Variants in IFT80 observed in about 807,000 individuals in gnomAD.
IFT80 encodes the protein intraflagellar transport 80.
IFT80 carries 79 observed loss-of-function variants against 107.9 expected under a neutral mutation model. The ratio of observed to expected loss-of-function variants is 0.73; its 90% CI spans 0.61 to 0.88. The LOEUF (loss-of-function observed/expected upper bound fraction) is 0.88, where lower values mean the gene tolerates loss of function less well. Ranked by LOEUF, IFT80 falls within the 40% of genes least tolerant of loss-of-function variation. IFT80 has a pLI of 0.00. For synonymous variants in IFT80, 299 were observed against 300.9 expected, an observed-to-expected ratio of 0.99 and a Z score of 0.07; for missense variants, 797 against 914.2, an observed-to-expected ratio of 0.87 and a Z score of 1.65.
At chr3:160,285,587 T>A (rs1443468202) in intron 13 of IFT80, among the ~76,000 whole-genome samples, 3 of 152,226 alleles carry the variant, frequency 2.0e-5, no homozygotes, top group Non-Finnish European at 4.4e-5. Flanking sequence ...GATCCTTTTT[T>A]TCAACTAATT....
rs116510044 is a variant in IFT80 at position 160,278,204 on chromosome 3, G to A, written c.1837-534C>T. Reference sequence around the variant, plus strand: ...GCAGATATAAACAAGCAAGCTGGAAGCTTGCATGAGTGAATGCCAGTAGTT... The same window carrying A: ...GCAGATATAAACAAGCAAGCTGGAAACTTGCATGAGTGAATGCCAGTAGTT... On this transcript the variant is annotated intron_variant, in intron 16 of 19. Coordinates refer to ENST00000326448, the MANE Select transcript of IFT80 (RefSeq NM_020800.3). 9.7e-3 allele frequency among the ~76,000 whole-genome samples: 1,474 copies of A among 152,328 alleles called. 26 individuals carry two copies. Among genetic ancestry groups the A allele is most frequent in the Admixed American group, 0.012 (183 of 15,298 alleles).
intron 8 of IFT80, among the ~76,000 whole-genome samples, chr3:160,338,579 C>CCATCACTG (rs1719658821): frequency 2.6e-5 from 4 of 151,864 alleles, no homozygotes; most frequent in Admixed American, 2.0e-4. Flanking sequence ...CTACAGTGAG[C>CCATCACTG]CATCACTGCA....
intron 12 of IFT80, among the ~76,000 whole-genome samples, chr3:160,297,032 CTATTTAAATAATG>C (rs1716033714): frequency 6.6e-6 from 1 of 152,132 alleles, no homozygotes; most frequent in African/African-American, 2.4e-5. Context: ...GCATCAATCA[CTATTTAAATAATG>C]ATAATTCATA....
At chr3:160,287,469 G>A (rs533167285) in intron 12 of IFT80, among the ~76,000 whole-genome samples, 1 of 152,264 alleles carries the variant, frequency 6.6e-6, no homozygotes, top group South Asian at 2.1e-4. Context: ...ACCCAGTGGA[G>A]GTGAAAATGG....
Position 160,300,967 on chromosome 3 carries a change from C to T in IFT80, c.1231G>A (p.Gly411Arg), listed in dbSNP as rs1418847289. The change falls in exon 12 of 20, where the codon GGA becomes AGA. Residue 411 changes from glycine to arginine, a missense_variant. Gly to Arg is a moderately radical substitution (Grantham distance 125, BLOSUM62 -2). Transcript: ENST00000326448. The part of the protein sequence containing the change: ...GRFISSPKFP[G>R]MRTDILNAQT... ...GCATTCAGAATATCTGTTCTCATTC[C>T]AGGAAATTTTGGAGATGAAATAAAG... 1 of 1,610,462 alleles carries T rather than the reference C, an allele frequency of 6.2e-7. No homozygotes were observed. The highest frequency in any genetic ancestry group is 8.5e-7 in the Non-Finnish European group (1 of 1,178,026).
At chr3:160,295,439 TA>T (rs1715898307) in intron 12 of IFT80, among the ~76,000 whole-genome samples, 1 of 151,214 alleles carries the variant, frequency 6.6e-6, no homozygotes, top group African/African-American at 2.5e-5. Context: ...CCATTGTCTC[TA>T]TTAAAAATAC....
intron 5 of IFT80, among the ~76,000 whole-genome samples, chr3:160,370,678 C>T (rs1722172264): frequency 6.6e-6 from 1 of 152,172 alleles, no homozygotes; most frequent in African/African-American, 2.4e-5. Flanking sequence ...GCCTTTACCT[C>T]TGAGCTCCAA....
chr3:160,395,205 T>G (rs1713683343), intron 1 of IFT80, among the ~76,000 whole-genome samples: 1 of 152,252 alleles, frequency 6.6e-6, no homozygotes, highest in South Asian at 2.1e-4. Context: ...AATCCCCTTC[T>G]TATTAAAACT....
intron 5 of IFT80, among the ~76,000 whole-genome samples, chr3:160,371,969 G>A (rs967697386): frequency 6.6e-6 from 1 of 151,984 alleles, no homozygotes; most frequent in African/African-American, 2.4e-5. Flanking sequence ...TCTCTAATAA[G>A]GAACAATAAA....
At chr3:160,349,023 C>T (rs1297363734) in intron 8 of IFT80, among the ~76,000 whole-genome samples, 1 of 152,026 alleles carries the variant, frequency 6.6e-6, no homozygotes, top group Non-Finnish European at 1.5e-5. Context: ...TTGCACAACC[C>T]TATGAATATA....
Position 160,335,821 on chromosome 3 carries a change from C to T in IFT80, c.778-15882G>A, listed in dbSNP as rs575361654. Among the ~76,000 whole-genome samples the T allele has an allele frequency of 4.6e-5, 7 of 152,260 alleles. 1 individual carries two copies. The South Asian group carries it at 1.5e-3, about 32-fold the overall frequency. On this transcript the variant is annotated intron_variant, in intron 8 of 19. Coordinates refer to ENST00000326448, the MANE Select transcript of IFT80 (RefSeq NM_020800.3). Reference sequence around the variant, plus strand: ...CCCCATATCCATCAGAAGTCATTCCCATTCCCTGCATCCCTCAGCTCCTAG... The same window carrying T: ...CCCCATATCCATCAGAAGTCATTCCTATTCCCTGCATCCCTCAGCTCCTAG...
intron 13 of IFT80, among the ~76,000 whole-genome samples, chr3:160,284,625 T>G (rs183392377): frequency 1.2e-3 from 182 of 152,342 alleles, no homozygotes; most frequent in African/African-American, 4.2e-3. Context: ...TACAAGAAGA[T>G]GTATATGCAA....
At chr3:160,318,032 T>C (rs940635556) in intron 9 of IFT80, among the ~76,000 whole-genome samples, 4 of 151,370 alleles carry the variant, frequency 2.6e-5, no homozygotes, top group Non-Finnish European at 5.9e-5. Flanking sequence ...AACAGAGTCC[T>C]TATCTTTTAG....
intron 18 of IFT80, among the ~76,000 whole-genome samples, chr3:160,273,555 G>A (rs190043283): frequency 2.2e-4 from 33 of 152,292 alleles, no homozygotes; most frequent in Admixed American, 4.6e-4. Flanking sequence ...TAACTTCTAC[G>A]TTTCCAGCTT....
At chr3:160,310,116 G>T (rs1437289910) in intron 9 of IFT80, among the ~76,000 whole-genome samples, 5 of 152,092 alleles carry the variant, frequency 3.3e-5, no homozygotes, top group Admixed American at 2.0e-4. Flanking sequence ...ATCTGATTGT[G>T]GTCTATAAAT....
At position 160,361,910 on chromosome 3, in the gene IFT80, C is replaced by T. The variant is rs568693952; in HGVS notation, c.549+4133G>A. On this transcript the variant is annotated intron_variant, in intron 6 of 19. Transcript: ENST00000326448. ...AGGGAAATTTATAGCACTAAATGCC[C>T]ACAAGAGAAAGCAGGAAAGATCTAA... Among the ~76,000 whole-genome samples, 143 of 152,206 alleles carry T rather than the reference C, an allele frequency of 9.4e-4. 1 individual carries two copies. The Middle Eastern group carries it at 0.017, about 18-fold the overall frequency.
Position 160,356,061 on chromosome 3 carries a change from T to C in IFT80, c.729A>G (p.Leu243=). The C allele has an allele frequency of 6.2e-7, 1 of 1,614,128 alleles. No individual in the cohort carries two copies. Among genetic ancestry groups the C allele is most frequent in the Non-Finnish European group, 8.5e-7 (1 of 1,179,994 alleles). ...TSVAWAPDGE[L]FAVGSFHTLR... is the part of the protein sequence containing the mutation. ...AAGTATGAAACGATCCAACAGCAAA[T>C]AATTCTCCATCTGGAGCCCAGGCAA... is the stretch of plus-strand genomic sequence containing the variant. The change falls in exon 8 of 20, where the codon TTA becomes TTG. Residue 243 remains leucine (L), a synonymous_variant. Coordinates refer to ENST00000326448, the MANE Select transcript of IFT80 (RefSeq NM_020800.3).
At chr3:160,330,862 C>T (rs889577751) in intron 8 of IFT80, among the ~76,000 whole-genome samples, 2 of 152,194 alleles carry the variant, frequency 1.3e-5, no homozygotes, top group Admixed American at 6.6e-5. Flanking sequence ...CATATCATTT[C>T]ATCAATAAAT....
At chr3:160,396,572 G>C (rs761770338) in intron 1 of IFT80, among the ~76,000 whole-genome samples, 2 of 151,950 alleles carry the variant, frequency 1.3e-5, no homozygotes, top group East Asian at 1.9e-4. Flanking sequence ...TCTTCCTGTG[G>C]GGTATAATTT....
Sources: gnomAD v4.1 joint callset for allele counts (sites outside exome capture counted in the v4.1 genomes callset) on GRCh38, gnomAD v4.1.1 for gene constraint, MANE v1.5 for transcripts, NCBI Gene and HGNC (gene_info 2026-07-23, HGNC 2026-07-21) for gene names.